The following OTUD7A variants were observed in gnomAD, a reference collection of about 807,000 sequenced individuals.
The protein encoded by OTUD7A is OTU deubiquitinase 7A.
Under a neutral mutation model 65.7 loss-of-function variants are expected in OTUD7A, and 12 were observed. The observed-to-expected ratio is 0.18, with a 90% CI of 0.12 to 0.30. The LOEUF is 0.30. Among genes scored for constraint, OTUD7A ranks in the 10% least tolerant of loss-of-function variants. The pLI, the probability that OTUD7A is intolerant of heterozygous loss-of-function variation, is 1.00. For missense variants in OTUD7A, 1,148 were observed against 1,304.8 expected (o/e 0.88, Z 1.85); for synonymous variants, 641 against 586.3 (o/e 1.09, Z -1.35).
chr15:31,737,999 T>C (rs1391242163), intron 1 of OTUD7A, among the ~76,000 whole-genome samples: 3 of 152,216 alleles, frequency 2.0e-5, no homozygotes, highest in Non-Finnish European at 2.9e-5. Context: ...CTCAAGGAAG[T>C]ATAAATTGGG....
Position 31,475,617 on chromosome 15 carries a change from G to C in OTUD7A, c.*7677C>G, listed in dbSNP as rs1374939714. The C allele has an allele frequency of 1.3e-5, 2 of 152,208 alleles. No homozygotes were observed. Among genetic ancestry groups the C allele is most frequent in the Admixed American group, 1.3e-4 (2 of 15,286 alleles). The allele number at this position is 152,208 out of a possible 1,614,324, so 9.4% of individuals were successfully genotyped here. ...AGATTTACTACATATTGCAAAAACT[G>C]GTTTAGTGCTTTAATACTTTACAAA... On this transcript the variant is annotated 3_prime_UTR_variant, in exon 13 of 13. Coordinates refer to ENST00000307050, the MANE Select transcript of OTUD7A (RefSeq NM_001382637.1).
intron 3 of OTUD7A, among the ~76,000 whole-genome samples, chr15:31,643,654 G>A (rs1290826772): frequency 1.3e-5 from 2 of 152,176 alleles, no homozygotes; most frequent in African/African-American, 4.8e-5. Context: ...TGGGTCCTAT[G>A]TTCCTGCTAC....
At chr15:31,741,363 G>A (rs531558057) in intron 1 of OTUD7A, among the ~76,000 whole-genome samples, 48 of 152,194 alleles carry the variant, frequency 3.2e-4, no homozygotes, top group African/African-American at 4.3e-4. Flanking sequence ...AAGTTCTAGC[G>A]TACATGTGCA....
intron 1 of OTUD7A, among the ~76,000 whole-genome samples, chr15:31,659,037 G>GAATA (rs1555405822): frequency 0.024 from 2,863 of 117,834 alleles, 37 homozygotes; most frequent in Non-Finnish European, 0.029. Flanking sequence ...ATGAATGAAT[G>GAATA]AATGAATAAA....
chr15:31,678,542 T>C (rs1446110350), intron 1 of OTUD7A, among the ~76,000 whole-genome samples: 1 of 152,222 alleles, frequency 6.6e-6, no homozygotes, highest in East Asian at 1.9e-4. Context: ...CTTGGTGCCC[T>C]GTGTCCCAGC....
chr15:31,754,461 A>C (rs1421649498), intron 1 of OTUD7A, among the ~76,000 whole-genome samples: 1 of 152,122 alleles, frequency 6.6e-6, no homozygotes, highest in Non-Finnish European at 1.5e-5. Context: ...GGTTTTTCCA[A>C]TGTTATCTTT....
At chr15:31,764,780 T>C (rs547554346) in intron 1 of OTUD7A, among the ~76,000 whole-genome samples, 8 of 152,270 alleles carry the variant, frequency 5.3e-5, no homozygotes, top group South Asian at 2.1e-4. Context: ...CCTGGGCATA[T>C]AGGCTGTTTT....
chr15:31,523,526 C>T (rs1254046083), intron 8 of OTUD7A, among the ~76,000 whole-genome samples: 1 of 152,154 alleles, frequency 6.6e-6, no homozygotes, highest in Non-Finnish European at 1.5e-5. Context: ...TCTGTGTGGT[C>T]CCCACCATAG....
intron 8 of OTUD7A, among the ~76,000 whole-genome samples, chr15:31,521,418 T>G (rs565803912): frequency 6.6e-6 from 1 of 152,302 alleles, no homozygotes; most frequent in African/African-American, 2.4e-5. Flanking sequence ...TTTAAAAATT[T>G]GAGCCGGGTC....
At chr15:31,527,680 A>G (rs907945116) in intron 6 of OTUD7A, among the ~76,000 whole-genome samples, 1 of 152,188 alleles carries the variant, frequency 6.6e-6, no homozygotes, top group Non-Finnish European at 1.5e-5. Context: ...CAGGCTGTCC[A>G]GTGTCCTTAT....
chr15:31,548,476 G>C (rs766716121), intron 5 of OTUD7A, among the ~76,000 whole-genome samples: 32 of 152,118 alleles, frequency 2.1e-4, no homozygotes, highest in Non-Finnish European at 4.1e-4. Context: ...AACGCTCTGA[G>C]CTGAACTGAG....
At chr15:31,523,213 TTC>T in intron 8 of OTUD7A, among the ~76,000 whole-genome samples, 1 of 152,252 alleles carries the variant, frequency 6.6e-6, no homozygotes, top group East Asian at 1.9e-4. Context: ...TCCAGCTGGC[TTC>T]TCTGTTTCAC....
At chr15:31,743,405 C>T (rs1216525139) in intron 1 of OTUD7A, among the ~76,000 whole-genome samples, 1 of 152,012 alleles carries the variant, frequency 6.6e-6, no homozygotes, top group Non-Finnish European at 1.5e-5. Context: ...TAATTTTAAA[C>T]TTGAAGATAA....
chr15:31,760,650 C>T (rs1406796060), intron 1 of OTUD7A, among the ~76,000 whole-genome samples: 1 of 152,188 alleles, frequency 6.6e-6, no homozygotes, highest in Admixed American at 6.5e-5. Flanking sequence ...TGTACAGATT[C>T]AACCCAATCC....
At chr15:31,610,861 C>T (rs997987829) in intron 3 of OTUD7A, among the ~76,000 whole-genome samples, 3 of 151,180 alleles carry the variant, frequency 2.0e-5, no homozygotes, top group African/African-American at 7.3e-5. Flanking sequence ...GATCTCCTGA[C>T]CTCGTGATCT....
At chr15:31,580,493 T>G (rs1889339903) in intron 3 of OTUD7A, among the ~76,000 whole-genome samples, 1 of 152,238 alleles carries the variant, frequency 6.6e-6, no homozygotes, top group Admixed American at 6.5e-5. Flanking sequence ...GCAAAATGAA[T>G]GCTAGGTGGA....
At chr15:31,728,866 C>A (rs2141358224) in intron 1 of OTUD7A, among the ~76,000 whole-genome samples, 1 of 152,332 alleles carries the variant, frequency 6.6e-6, no homozygotes, top group Non-Finnish European at 1.5e-5. Flanking sequence ...TCATTCTCCC[C>A]TGGAGATCCA....
intron 3 of OTUD7A, among the ~76,000 whole-genome samples, chr15:31,584,790 C>A (rs1344284880): frequency 6.6e-6 from 1 of 152,174 alleles, no homozygotes; most frequent in Non-Finnish European, 1.5e-5. Context: ...GACACGTCAG[C>A]TGGAGTCTGC....
At position 31,534,588 on chromosome 15, in the gene OTUD7A, C is replaced by T. The variant is rs140277080; in HGVS notation, c.551-3780G>A. ...AAGAGAAAGAAATAAAATCTGTATT[C>T]GCAAATCAGAAAGGAAGAGATAACA... On this transcript the variant is annotated intron_variant, in intron 5 of 12. Transcript: ENST00000307050. Among the ~76,000 whole-genome samples, 557 of 152,214 alleles carry T rather than the reference C, an allele frequency of 3.7e-3. 4 individuals are homozygous for T. Among genetic ancestry groups the T allele is most frequent in the African/African-American group, 0.012 (491 of 41,516 alleles).
Sources: allele counts gnomAD v4.1 joint callset (sites outside exome capture counted in the v4.1 genomes callset), GRCh38; gene constraint gnomAD v4.1.1; transcripts MANE v1.5; gene names NCBI Gene and HGNC (gene_info 2026-07-23, HGNC 2026-07-21).